The following EYS variants were observed in gnomAD, a reference collection of about 807,000 sequenced individuals.
EYS encodes protein eyes shut homolog.
In EYS, 250 loss-of-function variants were observed where a neutral mutation model predicts 282.1. The ratio of observed to expected loss-of-function variants is 0.89; its 90% CI spans 0.80 to 0.98. The LOEUF is 0.98. Among genes scored for constraint, EYS ranks in the 50% least tolerant of loss-of-function variants. EYS has a pLI of 0.00. For synonymous variants in EYS, 1,355 were observed against 1,282.9 expected, an observed-to-expected ratio of 1.06 and a Z score of -1.20; for missense variants, 4,016 against 3,709.0, an observed-to-expected ratio of 1.08 and a Z score of -2.15.
At chr6:64,130,917 G>T (rs1368562009) in intron 31 of EYS, among the ~76,000 whole-genome samples, 2 of 152,172 alleles carry the variant, frequency 1.3e-5, no homozygotes, top group Non-Finnish European at 2.9e-5. Context: ...TCCCAGGCTG[G>T]AGTGAAGTGG....
At chr6:64,910,602 T>A (rs1052725913) in intron 16 of EYS, among the ~76,000 whole-genome samples, 1 of 152,038 alleles carries the variant, frequency 6.6e-6, no homozygotes, top group African/African-American at 2.4e-5. Flanking sequence ...AAGCTCTGAT[T>A]TGGCTTACGT....
At chr6:65,239,846 C>T (rs900277925) in intron 12 of EYS, among the ~76,000 whole-genome samples, 1 of 151,998 alleles carries the variant, frequency 6.6e-6, no homozygotes, top group Admixed American at 6.6e-5. Flanking sequence ...CAAATTACTA[C>T]CCTGATGAAT....
At chr6:64,252,346 C>T (rs769839024) in intron 30 of EYS, among the ~76,000 whole-genome samples, 1 of 152,082 alleles carries the variant, frequency 6.6e-6, no homozygotes. Flanking sequence ...ATTCTATCAC[C>T]AAGATATCTT....
chr6:64,521,552 G>T (rs1340656405), intron 26 of EYS, among the ~76,000 whole-genome samples: 1 of 151,720 alleles, frequency 6.6e-6, no homozygotes, highest in South Asian at 2.1e-4. Flanking sequence ...CAAGAATTAC[G>T]GCTGCTCCTT....
intron 8 of EYS, among the ~76,000 whole-genome samples, chr6:65,358,270 C>G (rs1404012144): frequency 6.6e-6 from 1 of 151,736 alleles, no homozygotes; most frequent in African/African-American, 2.4e-5. Flanking sequence ...TTTCTGTGGT[C>G]TGGGAATTTA....
intron 30 of EYS, among the ~76,000 whole-genome samples, chr6:64,296,582 ATACATATATATATATATTT>A (rs1769020411): frequency 1.7e-4 from 1 of 5,986 alleles, no homozygotes; most frequent in African/African-American, 1.1e-3. Flanking sequence ...ATATATATAT[ATACATATATATATATATTT>A]TTTTTTTTTT....
At chr6:64,033,828 C>CTATATATATATATATATATATA (rs1491226014) in intron 33 of EYS, among the ~76,000 whole-genome samples, 10 of 59,220 alleles carry the variant, frequency 1.7e-4, no homozygotes, top group Admixed American at 5.7e-4. Context: ...AATGAGATTA[C>CTATATATATATATATATATATA]TCTCTCTCTC....
At chr6:64,766,657 T>A (rs1389387218) in intron 22 of EYS, among the ~76,000 whole-genome samples, 529 of 50,290 alleles carry the variant, frequency 0.011, 15 homozygotes, top group East Asian at 0.1. Flanking sequence ...AAAATATATA[T>A]ATATATATAT....
chr6:64,877,128 A>T (rs1338453803), intron 19 of EYS, among the ~76,000 whole-genome samples: 1 of 152,146 alleles, frequency 6.6e-6, no homozygotes, highest in Non-Finnish European at 1.5e-5. Context: ...TATTTTGAAG[A>T]TGCAGCCAAT....
intron 13 of EYS, among the ~76,000 whole-genome samples, chr6:65,014,074 G>T (rs1005178384): frequency 6.6e-6 from 1 of 152,148 alleles, no homozygotes; most frequent in South Asian, 2.1e-4. Context: ...TTGCCTCAAA[G>T]AAGCAAATGA....
At chr6:65,443,533 AC>A (rs1768513620) in intron 5 of EYS, among the ~76,000 whole-genome samples, 1 of 151,752 alleles carries the variant, frequency 6.6e-6, no homozygotes, top group South Asian at 2.1e-4. Context: ...ATATACATAT[AC>A]TTATGGACAC....
chr6:64,740,993 G>A lies in EYS; in HGVS notation c.3443+72385C>T, dbSNP rs538667380. ...CTCCCAAAGTGCTGGGATTACAGGC[G>A]TGAGCCACCGCGCCTGGCCATGAAT... is the stretch of plus-strand genomic sequence containing the variant. On this transcript the variant is annotated intron_variant, in intron 22 of 42. Transcript: ENST00000503581. Among the ~76,000 whole-genome samples, 6 of 152,244 alleles carry A rather than the reference G, an allele frequency of 3.9e-5. No individual in the cohort carries two copies. In the South Asian group the frequency reaches 8.3e-4, roughly 21 times the overall value.
chr6:65,375,989 A>C (rs1355479137), intron 8 of EYS, among the ~76,000 whole-genome samples: 3 of 152,202 alleles, frequency 2.0e-5, no homozygotes, highest in Non-Finnish European at 4.4e-5. Context: ...CCAACCTAGC[A>C]AGACAGGCCA....
rs1157175758 is a variant in EYS, at chr6:65,213,053, AG to A, written c.2023+82809del. Among the ~76,000 whole-genome samples the A allele has an allele frequency of 7.9e-5, 12 of 152,014 alleles. No individual in the cohort carries two copies. In the East Asian group the frequency reaches 2.3e-3, roughly 29 times the overall value. On this transcript the variant is annotated intron_variant, in intron 12 of 42. Transcript: ENST00000503581. ...TTTATTTTTTTTTCCTTTGATGTAG[AG>A]GAATTATTTATAGTGAGGCATGTTA...
intron 41 of EYS, among the ~76,000 whole-genome samples, chr6:63,727,352 C>T (rs988561072): frequency 3.3e-5 from 5 of 151,886 alleles, no homozygotes; most frequent in Admixed American, 2.0e-4. Context: ...TAGTTTTCTC[C>T]CTGCTCTGTG....
intron 30 of EYS, among the ~76,000 whole-genome samples, chr6:64,264,549 T>C (rs1327589896): frequency 6.6e-6 from 1 of 152,070 alleles, no homozygotes; most frequent in Non-Finnish European, 1.5e-5. Context: ...TTCTGCTGAA[T>C]AATGGCAAAA....
chr6:65,078,743 C>T (rs1346649268), intron 12 of EYS, among the ~76,000 whole-genome samples: 2 of 151,816 alleles, frequency 1.3e-5, no homozygotes, highest in East Asian at 3.9e-4. Flanking sequence ...GTTATTTGTC[C>T]CTGCCCAAAT....
Position 65,528,316 on chromosome 6 carries a change from T to C in EYS, c.-332-32323A>G, listed in dbSNP as rs563787993. ...TGATAACTACAATCTACCAACTAGG[T>C]TCTAATGCTATTGATAAGCAGACAA... On this transcript the variant is annotated intron_variant, in intron 2 of 42. Transcript: ENST00000503581. Among the ~76,000 whole-genome samples the C allele has an allele frequency of 7.9e-5, 12 of 152,232 alleles. 1 individual carries two copies. Among genetic ancestry groups the C allele is most frequent in the African/African-American group, 2.9e-4 (12 of 41,546 alleles).
At chr6:64,492,210 T>G (rs1776760571) in intron 26 of EYS, among the ~76,000 whole-genome samples, 1 of 151,180 alleles carries the variant, frequency 6.6e-6, no homozygotes, top group Admixed American at 6.6e-5. Context: ...ATGTGAAAGG[T>G]AAATTGTCAA....
Sources: allele counts gnomAD v4.1 joint callset (sites outside exome capture counted in the v4.1 genomes callset), GRCh38; gene constraint gnomAD v4.1.1; transcripts MANE v1.5; gene names NCBI Gene and HGNC (gene_info 2026-07-23, HGNC 2026-07-21).